Variants in ZFHX3 observed in about 807,000 individuals in gnomAD.
ZFHX3 encodes the protein zinc finger homeobox 3, also known as zinc finger homeobox protein 3.
In ZFHX3, 42 loss-of-function variants were observed where a neutral mutation model predicts 279.1. The observed-to-expected ratio is 0.15, with a 90% CI of 0.12 to 0.19. The LOEUF is 0.19. Among genes scored for constraint, ZFHX3 ranks in the 10% least tolerant of loss-of-function variants. The pLI, the probability that ZFHX3 is intolerant of heterozygous loss-of-function variation, is 1.00. For synonymous variants in ZFHX3, 2,293 were observed against 1,957.8 expected (o/e 1.17, Z -4.52); for missense variants, 4,981 against 4,754.0 (o/e 1.05, Z -1.40).
intron 1 of ZFHX3, among the ~76,000 whole-genome samples, chr16:72,969,155 T>A (rs1287711195): frequency 1.3e-5 from 2 of 151,502 alleles, no homozygotes; most frequent in Non-Finnish European, 2.9e-5. Flanking sequence ...AAACGAAGAG[T>A]CAACCCACCC....
intron 1 of ZFHX3, among the ~76,000 whole-genome samples, chr16:73,781,576 TA>T (rs1421041739): frequency 6.6e-6 from 1 of 152,214 alleles, no homozygotes; most frequent in African/African-American, 2.4e-5. Flanking sequence ...CCTCCAAAGT[TA>T]AAAATATTTA....
intron 5 of ZFHX3, among the ~76,000 whole-genome samples, chr16:73,230,482 C>T (rs1280175116): frequency 6.6e-6 from 1 of 152,182 alleles, no homozygotes; most frequent in Non-Finnish European, 1.5e-5. Context: ...CTTCTGAATC[C>T]TCCCTAGTGC....
intron 2 of ZFHX3, among the ~76,000 whole-genome samples, chr16:73,564,016 A>G (rs764960376): frequency 2.0e-5 from 3 of 152,220 alleles, no homozygotes; most frequent in Non-Finnish European, 4.4e-5. Context: ...AATGGCTTCA[A>G]TTGAAATCCA....
chr16:73,529,127 T>A (rs527383642), intron 2 of ZFHX3, among the ~76,000 whole-genome samples: 1 of 152,118 alleles, frequency 6.6e-6, no homozygotes, highest in East Asian at 1.9e-4. Context: ...ACTTTGAAAA[T>A]AGAGTGAAAT....
chr16:73,442,048 C>G (rs2018103989), intron 3 of ZFHX3, among the ~76,000 whole-genome samples: 1 of 152,114 alleles, frequency 6.6e-6, no homozygotes, highest in Non-Finnish European at 1.5e-5. Flanking sequence ...AGACCTGGGT[C>G]AGGCAGGCAG....
chr16:73,453,028 C>T (rs775369293), intron 3 of ZFHX3, among the ~76,000 whole-genome samples: 85 of 151,692 alleles, frequency 5.6e-4, no homozygotes, highest in Non-Finnish European at 9.3e-4. Flanking sequence ...ACTTACCTAC[C>T]TACAAACCCA....
At chr16:73,689,522 T>C (rs531240534) in intron 1 of ZFHX3, among the ~76,000 whole-genome samples, 35 of 152,288 alleles carry the variant, frequency 2.3e-4, no homozygotes, top group African/African-American at 7.9e-4. Flanking sequence ...AAATTAGACC[T>C]CTGTTCCCAT....
At chr16:73,440,624 T>C (rs2018076044) in intron 3 of ZFHX3, among the ~76,000 whole-genome samples, 1 of 152,198 alleles carries the variant, frequency 6.6e-6, no homozygotes, top group Non-Finnish European at 1.5e-5. Context: ...TGCCTCTACC[T>C]ACCTTAGTAA....
intron 7 of ZFHX3, 103 bp downstream of exon 7, chr16:72,811,474 C>T: frequency 8.0e-7 from 1 of 1,245,490 alleles, no homozygotes; most frequent in East Asian, 2.6e-5. Context: ...GTTTCCAACT[C>T]TACACTGACT....
intron 1 of ZFHX3, among the ~76,000 whole-genome samples, chr16:73,013,776 A>T (rs558953995): frequency 1.1e-3 from 172 of 152,078 alleles, no homozygotes; most frequent in Non-Finnish European, 2.0e-3. Context: ...AGGCTGTAAT[A>T]TTTGGTTTAG....
intron 2 of ZFHX3, among the ~76,000 whole-genome samples, chr16:73,509,987 C>T (rs1053761070): frequency 3.9e-5 from 6 of 152,174 alleles, no homozygotes; most frequent in Non-Finnish European, 7.3e-5. Context: ...TGAGCCATCA[C>T]GCCCGGCCTT....
intron 1 of ZFHX3, among the ~76,000 whole-genome samples, chr16:73,870,949 T>C (rs920345511): frequency 2.0e-5 from 3 of 152,200 alleles, no homozygotes; most frequent in Non-Finnish European, 4.4e-5. Context: ...GTGTTTTGCA[T>C]TGACTCAACA....
intron 3 of ZFHX3, among the ~76,000 whole-genome samples, chr16:73,453,809 T>G (rs2018323361): frequency 6.6e-6 from 1 of 152,166 alleles, no homozygotes; most frequent in Non-Finnish European, 1.5e-5. Flanking sequence ...GATAAGAGAA[T>G]TTGTGCAGGG....
intron 4 of ZFHX3, among the ~76,000 whole-genome samples, chr16:72,839,938 A>G (rs1031874717): frequency 6.6e-6 from 1 of 152,190 alleles, no homozygotes; most frequent in Admixed American, 6.5e-5. Context: ...GTCTTTCAAT[A>G]ACAACCTGCC....
chr16:73,683,989 T>C (rs1416924982), intron 1 of ZFHX3, among the ~76,000 whole-genome samples: 1 of 152,218 alleles, frequency 6.6e-6, no homozygotes, highest in Non-Finnish European at 1.5e-5. Context: ...TGTGTTCCAA[T>C]AAAACTTTAT....
intron 5 of ZFHX3, among the ~76,000 whole-genome samples, chr16:72,814,435 A>G (rs1380047934): frequency 2.0e-5 from 3 of 152,146 alleles, no homozygotes; most frequent in Non-Finnish European, 4.4e-5. Flanking sequence ...TCACTCTCCC[A>G]GAGCTGAAAA....
At chr16:73,694,636 C>T (rs530345663) in intron 1 of ZFHX3, among the ~76,000 whole-genome samples, 1 of 152,298 alleles carries the variant, frequency 6.6e-6, no homozygotes, top group African/African-American at 2.4e-5. Flanking sequence ...GCCACTGTGC[C>T]TGGCCAAAAA....
At chr16:73,486,017 C>T (rs186699533) in intron 2 of ZFHX3, among the ~76,000 whole-genome samples, 268 of 152,300 alleles carry the variant, frequency 1.8e-3, no homozygotes, top group African/African-American at 6.1e-3. Context: ...CAGTGTCTGG[C>T]ACATAGCAGT....
chr16:73,702,713 T>C (rs932312486), intron 1 of ZFHX3, among the ~76,000 whole-genome samples: 3 of 152,134 alleles, frequency 2.0e-5, no homozygotes, highest in Non-Finnish European at 2.9e-5. Flanking sequence ...TAGATGATTA[T>C]AAGGTAGGAC....
Sources: allele counts gnomAD v4.1 joint callset (sites outside exome capture counted in the v4.1 genomes callset), GRCh38; gene constraint gnomAD v4.1.1; transcripts MANE v1.5; gene names NCBI Gene and HGNC (gene_info 2026-07-23, HGNC 2026-07-21).